Variants in NEB observed in about 807,000 individuals in gnomAD.
NEB encodes nebulin, also known as nemaline myopathy type 2.
In NEB, 512 loss-of-function variants were observed where a neutral mutation model predicts 952.2. The ratio of observed to expected loss-of-function variants is 0.54; its 90% CI spans 0.50 to 0.58. The LOEUF (loss-of-function observed/expected upper bound fraction) is 0.58, where lower values mean the gene tolerates loss of function less well. Among genes scored for constraint, NEB ranks in the 20% least tolerant of loss-of-function variants. The pLI, the probability that NEB is intolerant of heterozygous loss-of-function variation, is 0.00. For synonymous variants in NEB, 2,900 were observed against 3,149.8 expected (o/e 0.92, Z 2.66); for missense variants, 8,428 against 9,231.1 (o/e 0.91, Z 3.56).
chr2:151,685,044 T>C lies in NEB; in HGVS notation c.2638-69A>G, dbSNP rs143013662. The stretch of plus-strand genomic sequence containing the variant: ...GATTTCCAGAAAAGACAGAGATCTT[T>C]CATAAACAATAAATACAAGTTAGAG... On this transcript the variant is annotated intron_variant, in intron 27 of 181. Transcript: ENST00000397345. The C allele has an allele frequency of 2.5e-4, 350 of 1,414,368 alleles. No homozygotes were observed. The African/African-American group carries it at 4.1e-3, about 17-fold the overall frequency. The allele number at this position is 1,414,368 out of a possible 1,614,324, so 87.6% of individuals were successfully genotyped here.
At chr2:151,697,000 A>C (rs758566542) in intron 16 of NEB, 148 bp downstream of exon 16, 1 of 653,500 alleles carries the variant, frequency 1.5e-6, no homozygotes, top group Non-Finnish European at 2.6e-6. Flanking sequence ...TCAACAAGGG[A>C]AAATAGGATG....
chr2:151,545,774 T>G (rs2094593253), intron 135 of NEB, 114 bp downstream of exon 135: 1 of 630,328 alleles, frequency 1.6e-6, no homozygotes, highest in African/African-American at 1.8e-5. Flanking sequence ...GGAAATATTT[T>G]ACCTGCCGCA....
intron 148 of NEB, 52 bp from the exon 149 acceptor site, chr2:151,526,314 T>C (rs1230826550): frequency 1.6e-6 from 2 of 1,213,698 alleles, no homozygotes; most frequent in Non-Finnish European, 2.4e-6. Context: ...ATATCCTACA[T>C]ATTTTTATTA....
chr2:151,500,179 G>A (rs1160846148), intron 168 of NEB, among the ~76,000 whole-genome samples: 1 of 152,118 alleles, frequency 6.6e-6, no homozygotes, highest in African/African-American at 2.4e-5. Flanking sequence ...AGGATTGTTA[G>A]TGAATAGTAA....
At chr2:151,609,231 G>A (rs1362966619) in intron 81 of NEB, among the ~76,000 whole-genome samples, 3 of 151,948 alleles carry the variant, frequency 2.0e-5, no homozygotes, top group Non-Finnish European at 2.9e-5. Flanking sequence ...CATTTCAAGT[G>A]TTAGACATAC....
At chr2:151,643,095 G>A (rs2098905535) in intron 58 of NEB, 55 bp downstream of exon 58, 1 of 1,512,402 alleles carries the variant, frequency 6.6e-7, no homozygotes, top group Non-Finnish European at 9.1e-7. Flanking sequence ...ACAGACTTCA[G>A]TGTTTCCATA....
chr2:151,649,010 C>T (rs540231493), intron 54 of NEB, among the ~76,000 whole-genome samples: 10 of 152,188 alleles, frequency 6.6e-5, no homozygotes, highest in South Asian at 4.1e-4. Context: ...TGTCCCAGAA[C>T]GTGTATATCG....
At chr2:151,584,053 G>A (rs1314758537) in intron 100 of NEB, among the ~76,000 whole-genome samples, 1 of 69,614 alleles carries the variant, frequency 1.4e-5, no homozygotes, top group Non-Finnish European at 2.8e-5. Context: ...ACACTATTAT[G>A]ACTACTTCTA....
chr2:151,606,075 C>T (rs1445214499), intron 84 of NEB, among the ~76,000 whole-genome samples: 1 of 85,384 alleles, frequency 1.2e-5, no homozygotes, highest in African/African-American at 2.9e-5. Flanking sequence ...CCACCTCAGC[C>T]TCCCAAAGTG....
chr2:151,684,675 A>G (rs1048006835), intron 28 of NEB, 103 bp downstream of exon 28: 1 of 1,125,844 alleles, frequency 8.9e-7, no homozygotes, highest in Admixed American at 2.9e-5. Flanking sequence ...TACATAGGAC[A>G]ATGCAGATAC....
intron 119 of NEB, among the ~76,000 whole-genome samples, chr2:151,563,172 G>A (rs556042472): frequency 3.3e-5 from 5 of 151,722 alleles, no homozygotes; most frequent in East Asian, 3.9e-4. Context: ...GCACCACCAC[G>A]CCCAGCTAAT....
chr2:151,694,484 C>G (rs751893167), intron 19 of NEB, 38 bp downstream of exon 19: 8 of 1,613,390 alleles, frequency 5.0e-6, no homozygotes, highest in African/African-American at 1.3e-5. Context: ...GGAAATGTCC[C>G]CGAAGCCAGC....
chr2:151,497,536 T>TA, intron 171 of NEB, 90 bp downstream of exon 171: 2 of 1,503,892 alleles, frequency 1.3e-6, no homozygotes, highest in Non-Finnish European at 1.8e-6. Context: ...AAGTTGTCTT[T>TA]AAAAAGTAGG....
chr2:151,490,735 T>C (rs1410079664), intron 179 of NEB, among the ~76,000 whole-genome samples: 1 of 152,206 alleles, frequency 6.6e-6, no homozygotes, highest in Non-Finnish European at 1.5e-5. Context: ...ATGGAACAGT[T>C]AAGTTGTACA....
At chr2:151,538,879 T>G (rs1250009126) in intron 138 of NEB, among the ~76,000 whole-genome samples, 1 of 152,222 alleles carries the variant, frequency 6.6e-6, no homozygotes, top group Non-Finnish European at 1.5e-5. Flanking sequence ...GATGGGTGCT[T>G]CTCTGCACAA....
In NEB at chr2:151,518,992, G is replaced by C; in HGVS notation, c.22668C>G (p.Val7556=). 2 of 1,613,386 alleles carry C rather than the reference G, an allele frequency of 1.2e-6. No homozygotes were observed. The highest frequency in any genetic ancestry group is 2.2e-5 in the South Asian group (2 of 91,050). The change falls in exon 155 of 182, where the codon GTC becomes GTG. Residue 7556 remains valine, a synonymous_variant. Coordinates refer to ENST00000397345, the MANE Select transcript of NEB (RefSeq NM_001164508.2). ...AACTGGCAAGTTGGCTTGTATTCAG[G>C]ACATGATTCATGATCAGAGACTCCT... ...DMKESLIMNH[V]LNTSQLASSY... is the part of the protein sequence containing the mutation.
chr2:151,564,099 T>C (rs1465114520), intron 117 of NEB, among the ~76,000 whole-genome samples, 169 bp from the exon 118 acceptor site: 1 of 152,208 alleles, frequency 6.6e-6, no homozygotes, highest in African/African-American at 2.4e-5. Context: ...TTTGGTTTAT[T>C]GCAAATTAAA....
At chr2:151,698,731 G>C (rs1293966420) in intron 13 of NEB, among the ~76,000 whole-genome samples, 2 of 149,678 alleles carry the variant, frequency 1.3e-5, no homozygotes, top group Non-Finnish European at 3.0e-5. Flanking sequence ...TCTGCCTCCT[G>C]GGTTCATGCC....
chr2:151,684,860 T>C lies in NEB; in HGVS notation c.2753A>G (p.Lys918Arg). The change falls in exon 28 of 182, where the codon AAG (lysine) becomes AGG (arginine). Residue 918 changes from lysine (K) to arginine (R), a missense_variant. Lys to Arg is a conservative substitution (Grantham distance 26, BLOSUM62 2). This residue lies in a region of NEB where 2,851 missense variants were observed against 2,791.5 expected (regional missense o/e 1.02). Coordinates refer to ENST00000397345, the MANE Select transcript of NEB (RefSeq NM_001164508.2). ...SQAIASDVDY[K>R]HILHSYSYPP... is the part of the protein sequence containing the mutation. Reference sequence around the variant, plus strand: ...GTAGCTGTAACTGTGTAAGATGTGCTTATAATCAACGTCGCTGGCAATTGC... The same window carrying C: ...GTAGCTGTAACTGTGTAAGATGTGCCTATAATCAACGTCGCTGGCAATTGC... 2 of 1,613,446 alleles carry C rather than the reference T, an allele frequency of 1.2e-6. No homozygotes were observed. Among genetic ancestry groups the C allele is most frequent in the Non-Finnish European group, 1.7e-6 (2 of 1,179,608 alleles).
Sources: gnomAD v4.1 joint callset for allele counts (sites outside exome capture counted in the v4.1 genomes callset) on GRCh38, gnomAD v4.1.1 for gene constraint, gnomAD v4.1.1 regional missense constraint, MANE v1.5 for transcripts, NCBI Gene and HGNC (gene_info 2026-07-23, HGNC 2026-07-21) for gene names.